Variants in ABLIM1 observed in about 807,000 individuals in gnomAD.
The protein encoded by ABLIM1 is actin-binding LIM protein 1.
In ABLIM1, 40 loss-of-function variants were observed where a neutral mutation model predicts 107.0. The ratio of observed to expected loss-of-function variants is 0.37; its 90% CI spans 0.29 to 0.49. The LOEUF is 0.49. Among genes scored for constraint, ABLIM1 ranks in the 20% least tolerant of loss-of-function variants. ABLIM1 has a pLI of 0.97. For missense variants in ABLIM1, 857 were observed against 1,008.5 expected (o/e 0.85, Z 2.04); for synonymous variants, 357 against 357.3 (o/e 1.00, Z 0.01).
intron 10 of ABLIM1, among the ~76,000 whole-genome samples, chr10:114,471,634 G>A (rs566987846): frequency 5.3e-5 from 8 of 151,942 alleles, no homozygotes; most frequent in African/African-American, 1.9e-4. Context: ...ATAAAACCCA[G>A]ATTAGAAAGT....
At position 114,451,675 on chromosome 10, in the gene ABLIM1, T is replaced by C. The variant is rs773447732; in HGVS notation, c.1547-4A>G. ...CGGTAAATGTTGATTCCTTGATCTG[T>C]GGAAATGAAAAGCAAAGGTGTGTGA... is the stretch of plus-strand genomic sequence containing the variant. On this transcript the variant is annotated splice_polypyrimidine_tract_variant and splice_region_variant and intron_variant, in intron 13 of 22. Transcript: ENST00000533213. 3.1e-6 allele frequency: 5 copies of C among 1,609,592 alleles called. No homozygotes were observed. The highest frequency in any genetic ancestry group is 2.2e-5 in the South Asian group (2 of 90,504).
At chr10:114,725,814 A>G (rs1357606425) in intron 1 of ABLIM1, among the ~76,000 whole-genome samples, 3 of 151,148 alleles carry the variant, frequency 2.0e-5, no homozygotes, top group African/African-American at 7.3e-5. Flanking sequence ...GTGCAATCAC[A>G]GCTCACCGTA....
upstream of ABLIM1, chr10:114,768,131 G>T: frequency 2.7e-6 from 1 of 376,868 alleles, no homozygotes; most frequent in Non-Finnish European, 5.4e-6. Context: ...AGGGCGCGGG[G>T]AAGAAGGCAG....
chr10:114,638,000 T>C (rs2078564623), intron 1 of ABLIM1, among the ~76,000 whole-genome samples: 1 of 152,218 alleles, frequency 6.6e-6, no homozygotes, highest in Admixed American at 6.5e-5. Flanking sequence ...CCCCTCTTTC[T>C]GGTACTTACC....
chr10:114,500,960 C>CT (rs35553640), intron 6 of ABLIM1, among the ~76,000 whole-genome samples: 58,323 of 151,944 alleles, frequency 0.38, 13,160 homozygotes, highest in East Asian at 0.66. Flanking sequence ...CTCTACACCT[C>CT]CATGCTTCCC....
the ABLIM1 span, chr10:114,779,958 G>C: frequency 6.6e-6 from 1 of 151,848 alleles, no homozygotes; most frequent in African/African-American, 2.4e-5. Context: ...TTCCAGGGAG[G>C]CTGTGGCTTT....
upstream of ABLIM1, among the ~76,000 whole-genome samples, chr10:114,688,383 G>T (rs2080993828): frequency 6.6e-6 from 1 of 151,972 alleles, no homozygotes; most frequent in African/African-American, 2.4e-5. Context: ...ATCTAGAAAG[G>T]CACAGGAAAA....
At position 114,644,306 on chromosome 10, in the gene ABLIM1, A is replaced by AAAAAATATAT. The variant is rs1408072252; in HGVS notation, c.244+13650_244+13651insATATATTTTT. 2.2e-3 allele frequency among the ~76,000 whole-genome samples: 113 copies of AAAAAATATAT among 52,202 alleles called. 2 individuals carry two copies. The highest frequency in any genetic ancestry group is 3.1e-3 in the Non-Finnish European group (99 of 31,822). 34.2% of individuals were successfully genotyped at this position (52,202 alleles called of 152,430 possible). On this transcript the variant is annotated intron_variant, in intron 1 of 22. Coordinates refer to ENST00000533213, the MANE Select transcript of ABLIM1 (RefSeq NM_002313.7). ...AAAAAAAAAAAAAAAAAAAAAAAAA[A>AAAAAATATAT]ATATATATATATATATATATATATG...
At chr10:114,569,051 G>A (rs962897544) in intron 4 of ABLIM1, among the ~76,000 whole-genome samples, 3 of 152,068 alleles carry the variant, frequency 2.0e-5, no homozygotes, top group Non-Finnish European at 4.4e-5. Context: ...ACAATGAAGA[G>A]TATTAGATTT....
chr10:114,480,968 T>G (rs1032782178), intron 8 of ABLIM1, among the ~76,000 whole-genome samples: 2 of 152,236 alleles, frequency 1.3e-5, no homozygotes, highest in Non-Finnish European at 2.9e-5. Context: ...CACATCTTTT[T>G]GTTTTCTTCA....
At chr10:114,685,105 T>C (rs1456879479), upstream of ABLIM1, 1 of 152,186 alleles carries the variant, frequency 6.6e-6, no homozygotes, top group Non-Finnish European at 1.5e-5. Flanking sequence ...ATTTTTTTCC[T>C]TTCGTCAGTA....
At chr10:114,614,308 C>G (rs905678587) in intron 1 of ABLIM1, among the ~76,000 whole-genome samples, 1 of 151,996 alleles carries the variant, frequency 6.6e-6, no homozygotes, top group African/African-American at 2.4e-5. Context: ...AAAAATTAGC[C>G]AGGTGTGATG....
At chr10:114,718,618 G>A (rs1369426902) in intron 1 of ABLIM1, among the ~76,000 whole-genome samples, 1 of 152,128 alleles carries the variant, frequency 6.6e-6, no homozygotes, top group Non-Finnish European at 1.5e-5. Flanking sequence ...GTCTTCCGGG[G>A]GGAATCAGAC....
chr10:114,535,096 C>G (rs560749578), intron 6 of ABLIM1, among the ~76,000 whole-genome samples: 76 of 152,278 alleles, frequency 5.0e-4, no homozygotes, highest in African/African-American at 1.8e-3. Context: ...AATATTAGTA[C>G]CAGGTTGTTC....
At chr10:114,680,420 AT>A (rs2080696435) in intron 1 of ABLIM1, among the ~76,000 whole-genome samples, 1 of 152,254 alleles carries the variant, frequency 6.6e-6, no homozygotes, top group Non-Finnish European at 1.5e-5. Context: ...CAAAAGGAGC[AT>A]GCTTTCCTTC....
intron 1 of ABLIM1, among the ~76,000 whole-genome samples, chr10:114,670,547 G>C (rs1311280535): frequency 6.6e-6 from 1 of 152,168 alleles, no homozygotes; most frequent in Non-Finnish European, 1.5e-5. Context: ...ATCCAGGAGT[G>C]CAGCAACTCG....
intron 4 of ABLIM1, among the ~76,000 whole-genome samples, chr10:114,570,609 T>G (rs2071510417): frequency 7.3e-6 from 1 of 137,702 alleles, no homozygotes; most frequent in Non-Finnish European, 1.6e-5. Context: ...TTTTTTTTTT[T>G]TTTTTTTTTT....
At chr10:114,761,692 T>C (rs931043577) in intron 1 of ABLIM1, among the ~76,000 whole-genome samples, 4 of 152,088 alleles carry the variant, frequency 2.6e-5, no homozygotes, top group Non-Finnish European at 4.4e-5. Context: ...CAAAGTGCCC[T>C]CTCCATCTCC....
At chr10:114,586,764 G>A (rs775425033) in intron 2 of ABLIM1, among the ~76,000 whole-genome samples, 1 of 152,184 alleles carries the variant, frequency 6.6e-6, no homozygotes, top group Non-Finnish European at 1.5e-5. Flanking sequence ...TGGACAAGAT[G>A]ATCATGCTAT....
Sources: allele counts gnomAD v4.1 joint callset (sites outside exome capture counted in the v4.1 genomes callset), GRCh38; gene constraint gnomAD v4.1.1; transcripts MANE v1.5; gene names NCBI Gene and HGNC (gene_info 2026-07-23, HGNC 2026-07-21).